DPP10: variants seen among roughly 807,000 people sequenced by gnomAD.
The protein encoded by DPP10 is dipeptidyl peptidase like 10.
Under a neutral mutation model 120.9 loss-of-function variants are expected in DPP10, and 33 were observed. That is an observed-to-expected ratio of 0.27 (90% CI 0.21 to 0.37). The LOEUF (loss-of-function observed/expected upper bound fraction) is 0.37. Among genes scored for constraint, DPP10 ranks in the 10% least tolerant of loss-of-function variants. DPP10 has a pLI of 1.00. For synonymous variants in DPP10, 337 were observed against 326.1 expected (o/e 1.03, Z -0.36); for missense variants, 816 against 942.8 (o/e 0.87, Z 1.76).
intron 12 of DPP10, among the ~76,000 whole-genome samples, chr2:115,765,809 A>G (rs1485390691): frequency 6.6e-6 from 1 of 152,182 alleles, no homozygotes; most frequent in Admixed American, 6.6e-5. Context: ...GTATTTTGTC[A>G]GTATCCATTA....
intron 1 of DPP10, among the ~76,000 whole-genome samples, chr2:114,560,360 A>G (rs1224048627): frequency 6.6e-6 from 1 of 152,194 alleles, no homozygotes; most frequent in Non-Finnish European, 1.5e-5. Context: ...AGCAAACAAA[A>G]CAAAGAGAAG....
chr2:115,296,430 A>G (rs1270819223), intron 1 of DPP10, among the ~76,000 whole-genome samples: 2 of 152,052 alleles, frequency 1.3e-5, no homozygotes, highest in Non-Finnish European at 2.9e-5. Context: ...CTCCTGGGCA[A>G]TTACAACCTT....
At chr2:114,926,869 G>A (rs959133256) in intron 1 of DPP10, among the ~76,000 whole-genome samples, 2 of 44,596 alleles carry the variant, frequency 4.5e-5, no homozygotes. Context: ...TTTTTTTTTT[G>A]AGACAGAGTC....
chr2:115,077,058 A>C (rs1443437945), intron 1 of DPP10, among the ~76,000 whole-genome samples: 1 of 152,104 alleles, frequency 6.6e-6, no homozygotes, highest in Non-Finnish European at 1.5e-5. Context: ...TTCATAGCTA[A>C]ATTTTTGGGG....
At chr2:115,596,998 T>C (rs1407524062) in intron 5 of DPP10, among the ~76,000 whole-genome samples, 1 of 152,182 alleles carries the variant, frequency 6.6e-6, no homozygotes, top group African/African-American at 2.4e-5. Flanking sequence ...TTGGTGAATA[T>C]GGGAAGAAAA....
At chr2:115,021,793 A>G (rs1415862677) in intron 1 of DPP10, among the ~76,000 whole-genome samples, 2 of 152,140 alleles carry the variant, frequency 1.3e-5, no homozygotes, top group Non-Finnish European at 2.9e-5. Flanking sequence ...CCAACAGCAT[A>G]TCAAAAAGAT....
At chr2:115,644,719 G>A (rs1575425182) in intron 5 of DPP10, among the ~76,000 whole-genome samples, 1 of 152,060 alleles carries the variant, frequency 6.6e-6, no homozygotes, top group Admixed American at 6.6e-5. Context: ...GGAGTTTGGG[G>A]CTGCAGCAAG....
intron 1 of DPP10, among the ~76,000 whole-genome samples, chr2:115,152,847 A>C (rs1209678845): frequency 1.3e-5 from 2 of 152,200 alleles, no homozygotes; most frequent in Non-Finnish European, 2.9e-5. Flanking sequence ...CGAGCTAATG[A>C]GTTAACCCGC....
chr2:115,428,585 A>G (rs1025650955), intron 3 of DPP10, among the ~76,000 whole-genome samples: 1 of 151,996 alleles, frequency 6.6e-6, no homozygotes, highest in Non-Finnish European at 1.5e-5. Flanking sequence ...CTTTTAAACA[A>G]CCAGATCTTG....
At chr2:115,791,751 A>G (rs72828597) in intron 19 of DPP10, among the ~76,000 whole-genome samples, 2 of 152,042 alleles carry the variant, frequency 1.3e-5, no homozygotes, top group African/African-American at 2.4e-5. Flanking sequence ...TCCTGCATGC[A>G]TGGCCTGCAG....
Position 115,525,821 on chromosome 2 carries a change from A to AT in DPP10, c.367-68dup, listed in dbSNP as rs377482845. On this transcript the variant is annotated intron_variant, in intron 4 of 25. Coordinates refer to ENST00000410059, the MANE Select transcript of DPP10 (RefSeq NM_020868.6). ...CCATTTTATAGTGCTATGAAAATTG[A>AT]TTTTTTTTTACATTTATACATCCAA... 3.7e-3 allele frequency: 4,032 copies of AT among 1,099,536 alleles called. 41 individuals are homozygous for AT. The East Asian group carries it at 0.041, about 11-fold the overall frequency. The allele number at this position is 1,099,536 out of a possible 1,614,324, so 68.1% of individuals were successfully genotyped here.
At chr2:115,840,325 T>TTG (rs1553520950) in intron 24 of DPP10, among the ~76,000 whole-genome samples, 1 of 116,738 alleles carries the variant, frequency 8.6e-6, no homozygotes, top group Non-Finnish European at 1.8e-5. Flanking sequence ...TTTGGTTTTT[T>TTG]TTTTTTTTTT....
chr2:115,070,494 T>A (rs1032583568), intron 1 of DPP10, among the ~76,000 whole-genome samples: 1 of 152,170 alleles, frequency 6.6e-6, no homozygotes, highest in Non-Finnish European at 1.5e-5. Flanking sequence ...TCAAAAATGA[T>A]AAATTACAAT....
chr2:115,410,265 C>A (rs557938242), intron 3 of DPP10, among the ~76,000 whole-genome samples: 1 of 152,118 alleles, frequency 6.6e-6, no homozygotes, highest in Non-Finnish European at 1.5e-5. Context: ...ATTAAGAAAA[C>A]GTAATACATA....
chr2:114,632,581 C>T lies in DPP10; in HGVS notation c.60+189743C>T, dbSNP rs571459325. On this transcript the variant is annotated intron_variant, in intron 1 of 25. Transcript: ENST00000410059. ...AGGCTGGAGTGTAGTGGTGCGATCT[C>T]GGCTCACTGCAAGCTCTGCGTCCTG... Among the ~76,000 whole-genome samples the T allele has an allele frequency of 4.5e-4, 58 of 129,784 alleles. 1 individual carries two copies. The highest frequency in any genetic ancestry group is 1.5e-3 in the African/African-American group (51 of 33,868). The allele number at this position is 129,784 out of a possible 152,430, so 85.1% of individuals were successfully genotyped here.
chr2:115,406,263 A>G (rs1175917531), intron 3 of DPP10, among the ~76,000 whole-genome samples: 1 of 152,158 alleles, frequency 6.6e-6, no homozygotes, highest in Non-Finnish European at 1.5e-5. Flanking sequence ...AGATAGTCCT[A>G]TTTCCATCTG....
Position 115,768,391 on chromosome 2 carries a change from T to C in DPP10, c.1208T>C (p.Met403Thr). 1 of 1,613,024 alleles carries C rather than the reference T, an allele frequency of 6.2e-7. No homozygotes were observed. The highest frequency in any genetic ancestry group is 2.2e-5 in the East Asian group (1 of 44,832). ...CGTGGAGAATTTCACCACGTAGCTA[T>C]GTTCCTCATCCAGGTAAGTGCTGGC... ...GGRGEFHHVAMFLIQSKSEQI... is the reference protein window; with the variant it reads ...GGRGEFHHVATFLIQSKSEQI... Residue 403 changes from methionine to threonine, a missense_variant, in exon 13 of 26, where the codon ATG becomes ACG. Met to Thr is a moderately conservative substitution (Grantham distance 81). Transcript: ENST00000410059.
chr2:115,663,986 C>T (rs1285291698), intron 5 of DPP10, among the ~76,000 whole-genome samples: 1 of 147,400 alleles, frequency 6.8e-6, no homozygotes, highest in East Asian at 2.0e-4. Context: ...CAGAGCGAGA[C>T]TCCATCTCAA....
intron 5 of DPP10, among the ~76,000 whole-genome samples, chr2:115,670,295 A>G (rs1035484827): frequency 6.6e-6 from 1 of 152,142 alleles, no homozygotes; most frequent in Admixed American, 6.6e-5. Context: ...TTTTGTCCAC[A>G]GAAGTGGCCA....
Sources: gnomAD v4.1 joint callset for allele counts (sites outside exome capture counted in the v4.1 genomes callset) on GRCh38, gnomAD v4.1.1 for gene constraint, MANE v1.5 for transcripts, NCBI Gene and HGNC (gene_info 2026-07-23, HGNC 2026-07-21) for gene names.